Variants in GRIP1 observed in about 807,000 individuals in gnomAD.
GRIP1 encodes glutamate receptor-interacting protein 1.
A neutral mutation model predicts 129.9 loss-of-function variants in GRIP1; 45 were observed. The ratio of observed to expected loss-of-function variants is 0.35; its 90% confidence interval spans 0.27 to 0.44. The LOEUF (loss-of-function observed/expected upper bound fraction) is 0.44, where lower values mean the gene tolerates loss of function less well. GRIP1 is among the 20% of genes least tolerant of loss of function. GRIP1 has a pLI of 1.00. For missense variants in GRIP1, 1,196 were observed against 1,396.8 expected (o/e 0.86, Z 2.29); for synonymous variants, 530 against 520.8 (o/e 1.02, Z -0.24).
chr12:66,952,540 G>C (rs1187270487), intron 1 of GRIP1, among the ~76,000 whole-genome samples: 1 of 152,102 alleles, frequency 6.6e-6, no homozygotes, highest in Admixed American at 6.5e-5. Flanking sequence ...TATAACAAAA[G>C]TATAAACACC....
intron 13 of GRIP1, 144 bp downstream of exon 13, chr12:66,444,440 T>C (rs2058560753): frequency 1.5e-6 from 1 of 649,936 alleles, no homozygotes; most frequent in South Asian, 1.8e-5. Flanking sequence ...GAGCCGAGAT[T>C]GCGCCACTGC....
At chr12:66,847,388 A>G (rs1422120899) in intron 1 of GRIP1, among the ~76,000 whole-genome samples, 1 of 152,128 alleles carries the variant, frequency 6.6e-6, no homozygotes, top group South Asian at 2.1e-4. Context: ...CTATATATGT[A>G]TATAATTTGT....
intron 13 of GRIP1, among the ~76,000 whole-genome samples, chr12:66,443,450 C>CTT (rs111303748): frequency 7.3e-6 from 1 of 137,030 alleles, no homozygotes. Context: ...TTTTCTCTTT[C>CTT]TTTTTTTTTT....
Position 66,529,943 on chromosome 12 carries a change from T to A in GRIP1, c.419-29A>T, listed in dbSNP as rs370028778. 46 of 1,298,174 alleles carry A rather than the reference T, an allele frequency of 3.5e-5. No homozygotes were observed. In the African/African-American group the frequency reaches 6.5e-4, roughly 18 times the overall value. The allele number at this position is 1,298,174 out of a possible 1,614,324, so 80.4% of individuals were successfully genotyped here. ...AATAAAGGAAAGAGAGAAGGAAATA[T>A]AACTTGTAAGTCATCATAACATTTC... On this transcript the variant is annotated intron_variant, in intron 4 of 24. Coordinates refer to ENST00000359742, the MANE Select transcript of GRIP1 (RefSeq NM_001366722.1).
At chr12:66,478,022 A>G (rs2059676280) in intron 7 of GRIP1, among the ~76,000 whole-genome samples, 1 of 152,264 alleles carries the variant, frequency 6.6e-6, no homozygotes, top group African/African-American at 2.4e-5. Context: ...GCCAAAATTG[A>G]CAAATGGGAT....
chr12:66,826,656 T>C (rs1288174081), intron 1 of GRIP1, among the ~76,000 whole-genome samples: 1 of 151,890 alleles, frequency 6.6e-6, no homozygotes, highest in East Asian at 1.9e-4. Flanking sequence ...TCTACATAAA[T>C]TAGATGAAAA....
At chr12:66,539,545 C>CA (rs2061708580) in intron 3 of GRIP1, among the ~76,000 whole-genome samples, 1 of 59,288 alleles carries the variant, frequency 1.7e-5, no homozygotes, top group Non-Finnish European at 3.0e-5. Flanking sequence ...TCAAGAGAAG[C>CA]TTTTTTTTTT....
chr12:66,388,088 A>G (rs1396645823), intron 19 of GRIP1, among the ~76,000 whole-genome samples: 1 of 152,026 alleles, frequency 6.6e-6, no homozygotes, highest in Non-Finnish European at 1.5e-5. Flanking sequence ...AAAAAAAACT[A>G]GAGTAAAACT....
chr12:66,910,326 C>T (rs2041007966), intron 1 of GRIP1, among the ~76,000 whole-genome samples: 1 of 152,164 alleles, frequency 6.6e-6, no homozygotes, highest in Non-Finnish European at 1.5e-5. Context: ...CAGAGATGAG[C>T]CTTCCCTTTA....
chr12:66,783,245 G>A lies in GRIP1; in HGVS notation c.-420+20808C>T, dbSNP rs560062477. 3.3e-5 allele frequency among the ~76,000 whole-genome samples: 5 copies of A among 152,250 alleles called. No individual in the cohort carries two copies. The East Asian group carries it at 9.7e-4, about 29-fold the overall frequency. On this transcript the variant is annotated intron_variant, in intron 1 of 4. Coordinates refer to the GRIP1 transcript ENST00000538373. ...ACATGTGTTTTGCCATGTTGGCCAG[G>A]CTGGTCTTGAACTCCTGGCCTCATG...
intron 1 of GRIP1, among the ~76,000 whole-genome samples, chr12:66,849,119 T>C (rs1030168063): frequency 6.6e-6 from 1 of 152,138 alleles, no homozygotes; most frequent in African/African-American, 2.4e-5. Flanking sequence ...AAATCTGAAC[T>C]CTTTCTGCAG....
chr12:66,919,860 C>T (rs1054847164), intron 1 of GRIP1, among the ~76,000 whole-genome samples: 4 of 152,062 alleles, frequency 2.6e-5, no homozygotes, highest in East Asian at 3.9e-4. Context: ...GCCTTACATA[C>T]AAAATGCCTG....
At chr12:66,825,259 A>G in intron 1 of GRIP1, among the ~76,000 whole-genome samples, 1 of 152,180 alleles carries the variant, frequency 6.6e-6, no homozygotes, top group Non-Finnish European at 1.5e-5. Flanking sequence ...TTTTCATGCC[A>G]TAAAAATTTT....
At chr12:66,800,424 T>C (rs898839995) in intron 1 of GRIP1, among the ~76,000 whole-genome samples, 34 of 149,490 alleles carry the variant, frequency 2.3e-4, no homozygotes, top group African/African-American at 8.5e-4. Flanking sequence ...CCTCTATTCA[T>C]AAGAGAGAAA....
intron 1 of GRIP1, among the ~76,000 whole-genome samples, chr12:66,621,844 G>A (rs538345391): frequency 6.6e-6 from 1 of 152,148 alleles, no homozygotes; most frequent in South Asian, 2.1e-4. Context: ...CTAATGTCTA[G>A]TATTGCTGAG....
At chr12:66,555,324 A>C (rs985620240) in intron 2 of GRIP1, among the ~76,000 whole-genome samples, 9 of 152,216 alleles carry the variant, frequency 5.9e-5, no homozygotes, top group African/African-American at 1.4e-4. Flanking sequence ...ATGAGTCTAT[A>C]AGAGCCATAG....
At chr12:66,753,530 G>C (rs955912978) in intron 1 of GRIP1, among the ~76,000 whole-genome samples, 2 of 152,162 alleles carry the variant, frequency 1.3e-5, no homozygotes, top group South Asian at 4.1e-4. Context: ...ATGCCACTGA[G>C]ATTTGGGAGT....
At chr12:66,958,958 T>A (rs1234496040) in intron 1 of GRIP1, among the ~76,000 whole-genome samples, 1 of 152,212 alleles carries the variant, frequency 6.6e-6, no homozygotes, top group African/African-American at 2.4e-5. Flanking sequence ...TGTTACTTTT[T>A]AAAATAATTT....
Position 66,859,789 on chromosome 12 carries a change from C to T in GRIP1, c.58+209261G>A, listed in dbSNP as rs117429323. ...GCTGCAGGGCTGTGTTATTCAACAT[C>T]CTGATGAACACTAACTAGCAGGCAG... On this transcript the variant is annotated intron_variant, in intron 1 of 1. Coordinates refer to the GRIP1 transcript ENST00000643019. Among the ~76,000 whole-genome samples the T allele has an allele frequency of 1.7e-4, 26 of 152,122 alleles. No homozygotes were observed. In the East Asian group the frequency reaches 5.1e-3, roughly 30 times the overall value.
Sources: gnomAD v4.1 joint callset for allele counts (sites outside exome capture counted in the v4.1 genomes callset) on GRCh38, gnomAD v4.1.1 for gene constraint, MANE v1.5 for transcripts, NCBI Gene and HGNC (gene_info 2026-07-23, HGNC 2026-07-21) for gene names.